ASPM: variants seen among roughly 807,000 people sequenced by gnomAD.
ASPM encodes the protein assembly factor for spindle microtubules, also known as abnormal spindle-like microcephaly-associated protein.
ASPM carries 256 observed loss-of-function variants against 366.4 expected under a neutral mutation model. The observed-to-expected ratio is 0.70, with a 90% CI of 0.63 to 0.77. The LOEUF (loss-of-function observed/expected upper bound fraction) is 0.77. Among genes scored for constraint, ASPM ranks in the 30% least tolerant of loss-of-function variants. The pLI, the probability that ASPM is intolerant of heterozygous loss-of-function variation, is 0.00. For synonymous variants in ASPM, 1,414 were observed against 1,342.9 expected, an observed-to-expected ratio of 1.05 and a Z score of -1.16; for missense variants, 4,146 against 4,090.4, an observed-to-expected ratio of 1.01 and a Z score of -0.37.
At chr1:197,125,269 T>C (rs192891299) in intron 10 of ASPM, 78 bp from the exon 11 acceptor site, 1 of 1,531,450 alleles carries the variant, frequency 6.5e-7, no homozygotes, top group Non-Finnish European at 9.0e-7. Flanking sequence ...TATAGTTATT[T>C]CCCACATAAA....
In ASPM at chr1:197,122,545, C is replaced by A; in HGVS notation, c.3441G>T (p.Leu1147=). The change falls in exon 14 of 28, where the codon CTG becomes CTT. Residue 1147 remains leucine (L), a synonymous_variant. Transcript: ENST00000367409. ...CATAGCAAGGATGGTAATGGTGGAT[C>A]AGGTAACATAACACACGGCCGTCTG... ...SFSDGRVLCY[L]IHHYHPCYVP... 1.2e-6 allele frequency: 2 copies of A among 1,612,974 alleles called. No homozygotes were observed. The highest frequency in any genetic ancestry group is 8.5e-7 in the Non-Finnish European group (1 of 1,179,476).
chr1:197,093,302 GAA>G, intron 20 of ASPM, 41 bp from the exon 21 acceptor site: 1 of 1,516,770 alleles, frequency 6.6e-7, no homozygotes, highest in Non-Finnish European at 9.1e-7. Flanking sequence ...TGGGTAGAAA[GAA>G]AAAGATTTCC....
In ASPM at chr1:197,096,563, T is replaced by G. The variant is rs144820285; in HGVS notation, c.8821-399A>C. Among the ~76,000 whole-genome samples the G allele has an allele frequency of 4.6e-5, 7 of 151,890 alleles. No individual in the cohort carries two copies. The East Asian group carries it at 1.4e-3, about 30-fold the overall frequency. On this transcript the variant is annotated intron_variant, in intron 18 of 27. Coordinates refer to ENST00000367409, the MANE Select transcript of ASPM (RefSeq NM_018136.5). ...GGTTCTGGGGAGAAAGAGGAATTCTTCCCAATCCATATTCACTTTGGGTTC... is the reference window on the plus strand; with the variant it reads ...GGTTCTGGGGAGAAAGAGGAATTCTGCCCAATCCATATTCACTTTGGGTTC...
rs114737609 is a variant in ASPM, at chr1:197,142,801, T to C, written c.1451A>G (p.Asn484Ser). 2,307 of 1,613,730 alleles carry C rather than the reference T, an allele frequency of 1.4e-3. 25 individuals are homozygous for C. In the African/African-American group the frequency reaches 0.026, roughly 18 times the overall value. ...TATTGGACGTCTCTTAGGTTGTTTA[T>C]TGTGGCTATGACTAGAAATATCCTG... ...AVQDISSHSHNKQPKRRPILS... is the reference protein window; with the variant it reads ...AVQDISSHSHSKQPKRRPILS... The change falls in exon 3 of 28, where the codon AAT becomes AGT. Residue 484 changes from asparagine (N) to serine (S), a missense_variant. Transcript: ENST00000367409.
intron 1 of ASPM, 110 bp from the exon 2 acceptor site, chr1:197,144,210 T>C: frequency 1.4e-6 from 1 of 737,072 alleles, no homozygotes; most frequent in Non-Finnish European, 2.3e-6. Context: ...TAACCAACAC[T>C]CTATATACTA....
intron 4 of ASPM, among the ~76,000 whole-genome samples, chr1:197,137,966 T>C (rs1166465627): frequency 1.3e-5 from 2 of 150,006 alleles, no homozygotes; most frequent in Admixed American, 1.3e-4. Flanking sequence ...TCCAATCTTT[T>C]ATCATAATAA....
chr1:197,119,308 G>C (rs1274550444), intron 16 of ASPM, among the ~76,000 whole-genome samples: 1 of 152,040 alleles, frequency 6.6e-6, no homozygotes, highest in African/African-American at 2.4e-5. Flanking sequence ...GACTGTAGAG[G>C]CTCAAGTTAA....
chr1:197,113,763 C>G (rs1040108855), intron 17 of ASPM, among the ~76,000 whole-genome samples: 1 of 152,080 alleles, frequency 6.6e-6, no homozygotes, highest in Non-Finnish European at 1.5e-5. Flanking sequence ...GTATAACGCT[C>G]TTTTATAAAT....
chr1:197,122,189 T>C lies in ASPM; in HGVS notation c.3711A>G (p.Ser1237=). ...CATCTGGAATTGTATTTGACATATC[T>C]GAATGATTAATCATAGCAGGTATTC... ...LGGIPAMINH[S]DMSNTIPDEK... is the part of the protein sequence containing the mutation. Residue 1237 remains serine, a synonymous_variant, in exon 15 of 28, where the codon TCA becomes TCG. Transcript: ENST00000367409. The C allele has an allele frequency of 1.2e-6, 2 of 1,612,106 alleles. No homozygotes were observed. The highest frequency in any genetic ancestry group is 8.5e-7 in the Non-Finnish European group (1 of 1,178,338).
chr1:197,089,453 T>C (rs1656701744), intron 25 of ASPM, among the ~76,000 whole-genome samples: 1 of 152,124 alleles, frequency 6.6e-6, no homozygotes, highest in East Asian at 1.9e-4. Context: ...ACTATTTTGA[T>C]ATAATGCAGT....
At chr1:197,127,745 T>A (rs1658132768) in intron 10 of ASPM, among the ~76,000 whole-genome samples, 1 of 152,216 alleles carries the variant, frequency 6.6e-6, no homozygotes, top group Non-Finnish European at 1.5e-5. Flanking sequence ...ATGTCTCAAT[T>A]CCACTGTGGA....
chr1:197,093,012 C>T, intron 21 of ASPM, 40 bp downstream of exon 21: 5 of 1,522,706 alleles, frequency 3.3e-6, no homozygotes, highest in Non-Finnish European at 4.5e-6. Context: ...CAAGTGCTTT[C>T]ATTTTATAAG....
At chr1:197,134,687 C>T (rs1658365212) in intron 5 of ASPM, among the ~76,000 whole-genome samples, 1 of 152,160 alleles carries the variant, frequency 6.6e-6, no homozygotes, top group South Asian at 2.1e-4. Flanking sequence ...GGTCCCTTTC[C>T]CAAGTTTTCT....
Position 197,132,964 on chromosome 1 carries a change from G to A in ASPM, c.2419+386C>T, listed in dbSNP as rs185384736. Among the ~76,000 whole-genome samples the A allele has an allele frequency of 4.3e-3, 656 of 152,156 alleles. 7 individuals carry two copies. Among genetic ancestry groups the A allele is most frequent in the African/African-American group, 0.015 (624 of 41,498 alleles). On this transcript the variant is annotated intron_variant, in intron 6 of 27. Transcript: ENST00000367409. The stretch of plus-strand genomic sequence containing the variant: ...AGCACAGAGAATGGTGGTTGCCAGA[G>A]AATGGGGTAGAGGGACTGGGGCGAT...
At chr1:197,118,561 G>C (rs1657808719) in intron 16 of ASPM, among the ~76,000 whole-genome samples, 3 of 152,084 alleles carry the variant, frequency 2.0e-5, no homozygotes, top group Admixed American at 1.3e-4. Context: ...CAGCTCCCTA[G>C]TTATGTTAGA....
At position 197,097,707 on chromosome 1, in the gene ASPM, G is replaced by A. The variant is rs116360761; in HGVS notation, c.8821-1543C>T. Among the ~76,000 whole-genome samples the A allele has an allele frequency of 5.9e-3, 889 of 151,712 alleles. 12 individuals carry two copies. Among genetic ancestry groups the A allele is most frequent in the African/African-American group, 0.021 (853 of 41,418 alleles). ...AATCAGTGGTAGAAGAATGGTCTCA[G>A]AACTGTTTGTTTCAATTGGCCATTT... On this transcript the variant is annotated intron_variant, in intron 18 of 27. Transcript: ENST00000367409.
rs116608360 is a variant in ASPM, at chr1:197,090,426, C to T, written c.9637-38G>A. 1.6e-3 allele frequency: 2,364 copies of T among 1,467,030 alleles called. 29 individuals are homozygous for T. In the African/African-American group the frequency reaches 0.028, roughly 17 times the overall value. 90.9% of individuals were successfully genotyped at this position (1,467,030 alleles called of 1,614,324 possible). A position where few individuals can be genotyped will look rare whatever the true frequency, so the allele number is the denominator to read the frequency against. On this transcript the variant is annotated intron_variant, in intron 23 of 27. Coordinates refer to ENST00000367409, the MANE Select transcript of ASPM (RefSeq NM_018136.5). ...AAACAGAGTAATTTTAAGATTATAG[C>T]CAATGTTTTCTATTTATATCTACAT... is the stretch of plus-strand genomic sequence containing the variant.
Position 197,101,902 on chromosome 1 carries a change from T to A in ASPM, c.7349A>T (p.Lys2450Ile). Reference sequence around the variant, plus strand: ...TCTTAAGTGCAAGAATTGGTACAATTTATGTTTGGCACAAATGGTGGCTCG... The same window carrying A: ...TCTTAAGTGCAAGAATTGGTACAATATATGTTTGGCACAAATGGTGGCTCG... ...KYRATICAKH[K>I]LYQFLHLRKA... is the part of the protein sequence containing the mutation. The change falls in exon 18 of 28, where the codon AAA becomes ATA. Residue 2450 changes from lysine to isoleucine, a missense_variant. Coordinates refer to ENST00000367409, the MANE Select transcript of ASPM (RefSeq NM_018136.5). 6.2e-7 allele frequency: 1 copy of A among 1,612,902 alleles called. No homozygotes were observed. The highest frequency in any genetic ancestry group is 1.7e-5 in the Admixed American group (1 of 59,796).
Position 197,101,432 on chromosome 1 carries a change from A to T in ASPM, c.7819T>A (p.Cys2607Ser). ...FQHNELKKET[C>S]VQAGFQDMNI... ...ATGTCCTGAAAACCTGCCTGAACAC[A>T]AGTCTCTTTCTTAAGTTCATTGTGT... The change falls in exon 18 of 28, where the codon TGT (cysteine) becomes AGT (serine). Residue 2607 changes from cysteine to serine, a missense_variant. By Grantham distance (112) the Cys-to-Ser change is moderately radical. Around this residue, in one of 3 missense-constraint regions of ASPM, gnomAD observed 3,624 missense variants for 3,591.7 expected, o/e 1.01. Transcript: ENST00000367409. The T allele has an allele frequency of 1.2e-6, 2 of 1,608,744 alleles. No individual in the cohort carries two copies. The highest frequency in any genetic ancestry group is 1.7e-6 in the Non-Finnish European group (2 of 1,179,022).
Sources: allele counts gnomAD v4.1 joint callset (sites outside exome capture counted in the v4.1 genomes callset), GRCh38; gene constraint gnomAD v4.1.1; regional missense constraint gnomAD v4.1.1; transcripts MANE v1.5; gene names NCBI Gene and HGNC (gene_info 2026-07-23, HGNC 2026-07-21).